Variants in WDR37 observed in about 807,000 individuals in gnomAD.
WDR37 encodes WD repeat domain 37.
A neutral mutation model predicts 62.9 loss-of-function variants in WDR37; 19 were observed. The observed-to-expected ratio is 0.30, with a 90% CI of 0.21 to 0.44. The LOEUF is 0.44. Ranked by LOEUF, WDR37 falls within the 20% of genes least tolerant of loss-of-function variation. WDR37 has a pLI of 1.00. For missense variants in WDR37, 474 were observed against 657.6 expected (o/e 0.72, Z 3.05); for synonymous variants, 250 against 260.9 (o/e 0.96, Z 0.40).
At chr10:1,126,191 G>A (rs1003160932) in intron 13 of WDR37, among the ~76,000 whole-genome samples, 1 of 152,126 alleles carries the variant, frequency 6.6e-6, no homozygotes, top group African/African-American at 2.4e-5. Context: ...AGATCACGAG[G>A]TCAGGAGATC....
intron 10 of WDR37, among the ~76,000 whole-genome samples, chr10:1,104,729 ATCTATC>A (rs1258859265): frequency 2.6e-5 from 4 of 152,140 alleles, no homozygotes; most frequent in African/African-American, 9.7e-5. Context: ...GCTTCTGCGA[ATCTATC>A]TCTAAGTGCA....
chr10:1,125,255 T>C (rs776604409), intron 13 of WDR37, among the ~76,000 whole-genome samples: 1 of 152,148 alleles, frequency 6.6e-6, no homozygotes, highest in Non-Finnish European at 1.5e-5. Flanking sequence ...TTGCTCTTGT[T>C]GCCCAGGCTG....
chr10:1,071,726 C>A (rs1311694134), intron 1 of WDR37, among the ~76,000 whole-genome samples: 4 of 152,106 alleles, frequency 2.6e-5, no homozygotes, highest in African/African-American at 9.7e-5. Context: ...AAATTTACAT[C>A]CATGACTTGC....
chr10:1,077,111 G>GCATAAA (rs1833902257), intron 2 of WDR37, among the ~76,000 whole-genome samples: 1 of 152,100 alleles, frequency 6.6e-6, no homozygotes, highest in Non-Finnish European at 1.5e-5. Context: ...ACCAAATAGT[G>GCATAAA]CATAGGCCAT....
At position 1,124,057 on chromosome 10, in the gene WDR37, G is replaced by C. The variant is rs1401551003; in HGVS notation, c.1104-161G>C. ...AATCAGTTGTCCTTTTCTTGCACTG[G>C]TGGAGAGGCTTTGGGAGGCGGGAGC... On this transcript the variant is annotated intron_variant, in intron 11 of 13. Transcript: ENST00000263150. The C allele has an allele frequency of 3.6e-6, 3 of 824,460 alleles. No individual in the cohort carries two copies. The African/African-American group carries it at 5.1e-5, about 14-fold the overall frequency. 51.1% of individuals were successfully genotyped at this position (824,460 alleles called of 1,614,324 possible).
chr10:1,117,857 C>T (rs531474866), intron 11 of WDR37, among the ~76,000 whole-genome samples: 2 of 152,168 alleles, frequency 1.3e-5, no homozygotes, highest in Non-Finnish European at 2.9e-5. Context: ...ATCTGCGCTG[C>T]GTGCACTCAG....
At chr10:1,084,106 A>G (rs1379217147) in intron 5 of WDR37, among the ~76,000 whole-genome samples, 2 of 152,108 alleles carry the variant, frequency 1.3e-5, no homozygotes, top group East Asian at 3.9e-4. Flanking sequence ...AGGACCTGAA[A>G]CACCTAAATC....
intron 11 of WDR37, among the ~76,000 whole-genome samples, chr10:1,113,275 A>G (rs1041770846): frequency 6.6e-6 from 1 of 152,194 alleles, no homozygotes; most frequent in Admixed American, 6.5e-5. Context: ...TTTTGAGCCT[A>G]TTGTTGAGGC....
At chr10:1,111,632 T>C (rs957260051) in intron 11 of WDR37, among the ~76,000 whole-genome samples, 1 of 152,230 alleles carries the variant, frequency 6.6e-6, no homozygotes, top group East Asian at 1.9e-4. Context: ...ATGTGTCTTA[T>C]TTCTTTCCAC....
At chr10:1,060,403 A>G (rs1833338652) in intron 1 of WDR37, among the ~76,000 whole-genome samples, 1 of 152,234 alleles carries the variant, frequency 6.6e-6, no homozygotes. Flanking sequence ...AATCCATGGT[A>G]GGATAAAGAG....
At chr10:1,124,138 C>A in intron 11 of WDR37, 80 bp from the exon 12 acceptor site, 1 of 1,585,908 alleles carries the variant, frequency 6.3e-7, no homozygotes, top group South Asian at 1.1e-5. Context: ...TTCCCACCCA[C>A]TTGGTCAGGG....
At chr10:1,116,827 C>G (rs1019753545) in intron 11 of WDR37, among the ~76,000 whole-genome samples, 3 of 151,808 alleles carry the variant, frequency 2.0e-5, no homozygotes, top group African/African-American at 4.9e-5. Context: ...CTTGTGACCA[C>G]AGAAACTGCC....
In WDR37 at chr10:1,105,357, T is replaced by G. The variant is rs1589111393; in HGVS notation, c.1103+90T>G. On this transcript the variant is annotated intron_variant, in intron 11 of 13. Coordinates refer to ENST00000263150, the MANE Select transcript of WDR37 (RefSeq NM_014023.4). The surrounding 1 kb of genome is among the most constrained non-coding windows in gnomAD (Gnocchi z 5.3). Reference sequence around the variant, plus strand: ...ACTTAATTCTAGCCTTAATTTTCAGTATTTCCGACTCTACTATCTTTCAAA... The same window carrying G: ...ACTTAATTCTAGCCTTAATTTTCAGGATTTCCGACTCTACTATCTTTCAAA... 6.9e-7 allele frequency: 1 copy of G among 1,447,106 alleles called. No homozygotes were observed. Among genetic ancestry groups the G allele is most frequent in the East Asian group, 2.5e-5 (1 of 40,048 alleles). The allele number at this position is 1,447,106 out of a possible 1,614,324, so 89.6% of individuals were successfully genotyped here. A position where few individuals can be genotyped will look rare whatever the true frequency, so the allele number is the denominator to read the frequency against.
intron 9 of WDR37, among the ~76,000 whole-genome samples, chr10:1,101,271 C>G (rs1050488994): frequency 2.6e-5 from 4 of 152,212 alleles, no homozygotes; most frequent in Non-Finnish European, 5.9e-5. Context: ...CGTGTTCCCA[C>G]AGTCCTGGAG....
At chr10:1,090,646 T>G (rs368412486) in intron 7 of WDR37, among the ~76,000 whole-genome samples, 1 of 152,014 alleles carries the variant, frequency 6.6e-6, no homozygotes, top group African/African-American at 2.4e-5. Flanking sequence ...GAGAGGAAAA[T>G]GGGTGAGGGT....
intron 13 of WDR37, among the ~76,000 whole-genome samples, chr10:1,126,366 A>T (rs1464022237): frequency 3.3e-5 from 5 of 149,320 alleles, no homozygotes; most frequent in South Asian, 2.1e-4. Flanking sequence ...AGATCGCGCC[A>T]CTGCACTCCA....
chr10:1,088,395 G>A (rs11250256), intron 7 of WDR37, among the ~76,000 whole-genome samples: 61,574 of 152,032 alleles, frequency 0.41, 13,361 homozygotes, highest in South Asian at 0.54. Flanking sequence ...GGAGCAATGT[G>A]CAACTCTTCC....
intron 13 of WDR37, among the ~76,000 whole-genome samples, chr10:1,128,785 C>T (rs769561450): frequency 2.0e-4 from 30 of 152,328 alleles, no homozygotes; most frequent in Non-Finnish European, 3.8e-4. Flanking sequence ...CCTGGCTGCA[C>T]GTCCTGGCGG....
chr10:1,102,667 G>A (rs910013499), intron 9 of WDR37, among the ~76,000 whole-genome samples: 1 of 152,214 alleles, frequency 6.6e-6, no homozygotes, highest in African/African-American at 2.4e-5. Context: ...CAGGCTATGA[G>A]GAATCCTCCC....
Sources: allele counts gnomAD v4.1 joint callset (sites outside exome capture counted in the v4.1 genomes callset), GRCh38; gene constraint gnomAD v4.1.1; non-coding constraint Gnocchi (gnomAD v3.1); transcripts MANE v1.5; gene names NCBI Gene and HGNC (gene_info 2026-07-23, HGNC 2026-07-21).